Variants in ERBB4 observed in about 807,000 individuals in gnomAD.
ERBB4 encodes receptor tyrosine-protein kinase erbB-4.
Under a neutral mutation model 158.0 loss-of-function variants are expected in ERBB4, and 42 were observed. The observed-to-expected ratio is 0.27, with a 90% CI of 0.21 to 0.34. The LOEUF is 0.34. ERBB4 is among the 10% of genes least tolerant of loss of function. The pLI is 1.00. For synonymous variants in ERBB4, 583 were observed against 558.7 expected (o/e 1.04, Z -0.61); for missense variants, 1,333 against 1,624.1 (o/e 0.82, Z 3.08).
At chr2:211,850,156 T>C (rs2077684023) in intron 3 of ERBB4, among the ~76,000 whole-genome samples, 1 of 151,910 alleles carries the variant, frequency 6.6e-6, no homozygotes, top group Non-Finnish European at 1.5e-5. Context: ...ATTTAAGCTA[T>C]GGTAGTAAGC....
chr2:211,660,594 C>T (rs1457364918), intron 15 of ERBB4, among the ~76,000 whole-genome samples: 1 of 151,994 alleles, frequency 6.6e-6, no homozygotes, highest in East Asian at 1.9e-4. Flanking sequence ...TATGGCTGTC[C>T]TACATCTAGG....
rs531357407 is a variant in ERBB4, at chr2:212,187,161, C to G, written c.83-62258G>C. ...GACTCAGATGACAGTCAAAGATGAT[C>G]TAGACAAAAAATGCAGAATCACAAT... On this transcript the variant is annotated intron_variant, in intron 1 of 27. Coordinates refer to ENST00000342788, the MANE Select transcript of ERBB4 (RefSeq NM_005235.3). Among the ~76,000 whole-genome samples the G allele has an allele frequency of 2.6e-5, 4 of 152,026 alleles. 1 individual carries two copies. The South Asian group carries it at 8.3e-4, about 32-fold the overall frequency.
chr2:212,189,995 C>T (rs1482750666), intron 1 of ERBB4, among the ~76,000 whole-genome samples: 1 of 151,988 alleles, frequency 6.6e-6, no homozygotes, highest in African/African-American at 2.4e-5. Context: ...GAAAACACAC[C>T]TTTTTATAAT....
At chr2:212,288,713 C>T (rs1440628452) in intron 1 of ERBB4, among the ~76,000 whole-genome samples, 1 of 152,040 alleles carries the variant, frequency 6.6e-6, no homozygotes, top group African/African-American at 2.4e-5. Flanking sequence ...GACGAGAACC[C>T]CGTTTTTAGC....
chr2:211,510,499 T>G (rs1043193964), intron 20 of ERBB4, among the ~76,000 whole-genome samples: 1 of 152,110 alleles, frequency 6.6e-6, no homozygotes, highest in Non-Finnish European at 1.5e-5. Context: ...CATAGTGCCA[T>G]GTGCCATTGA....
intron 1 of ERBB4, among the ~76,000 whole-genome samples, chr2:212,271,331 T>C (rs2085336481): frequency 6.6e-6 from 1 of 151,788 alleles, no homozygotes; most frequent in Non-Finnish European, 1.5e-5. Context: ...TATATAAAAG[T>C]GACACTTAGG....
intron 3 of ERBB4, among the ~76,000 whole-genome samples, chr2:211,843,432 C>CACAT (rs1164062249): frequency 1.3e-5 from 2 of 151,926 alleles, no homozygotes; most frequent in Non-Finnish European, 2.9e-5. Context: ...CACACACACA[C>CACAT]ACACAGCATC....
rs2062540330 is a variant in ERBB4 at position 211,379,574 on chromosome 2, G to C, written c.*4041C>G. On this transcript the variant is annotated 3_prime_UTR_variant, in exon 28 of 28. Coordinates refer to ENST00000342788, the MANE Select transcript of ERBB4 (RefSeq NM_005235.3). ...ATTTTTATATCCTGCATTTAACTTT[G>C]TTACATTATACTTGTGGTTAGTTTT... 4.3e-6 allele frequency: 1 copy of C among 231,000 alleles called. No homozygotes were observed. Among genetic ancestry groups the C allele is most frequent in the Non-Finnish European group, 8.6e-6 (1 of 116,718 alleles). The allele number at this position is 231,000 out of a possible 1,614,324, so 14.3% of individuals were successfully genotyped here.
At chr2:211,460,569 G>A (rs781442033) in intron 20 of ERBB4, among the ~76,000 whole-genome samples, 16 of 152,098 alleles carry the variant, frequency 1.1e-4, no homozygotes, top group Non-Finnish European at 2.2e-4. Context: ...AACATAATTT[G>A]CCAGTAGAAA....
chr2:211,718,227 T>C (rs958734748), intron 7 of ERBB4, among the ~76,000 whole-genome samples: 1 of 152,118 alleles, frequency 6.6e-6, no homozygotes, highest in Non-Finnish European at 1.5e-5. Context: ...ATATAATTTT[T>C]ATAACCCACA....
At chr2:211,871,216 T>C (rs1356956974) in intron 3 of ERBB4, among the ~76,000 whole-genome samples, 1 of 152,176 alleles carries the variant, frequency 6.6e-6, no homozygotes, top group African/African-American at 2.4e-5. Context: ...TTTTTTAAGC[T>C]GCCAAAAGAT....
At chr2:211,950,290 A>C (rs190050926) in intron 2 of ERBB4, among the ~76,000 whole-genome samples, 3 of 152,282 alleles carry the variant, frequency 2.0e-5, no homozygotes, top group Admixed American at 6.5e-5. Flanking sequence ...GAAACTGTAC[A>C]GATCCTGGAC....
At chr2:211,913,615 A>ATGTG (rs572744537) in intron 3 of ERBB4, among the ~76,000 whole-genome samples, 143 of 102,756 alleles carry the variant, frequency 1.4e-3, no homozygotes, top group Admixed American at 8.1e-3. Context: ...AAATATATAT[A>ATGTG]TATATGTGTG....
intron 19 of ERBB4, among the ~76,000 whole-genome samples, chr2:211,579,517 T>C (rs1425856068): frequency 6.6e-6 from 1 of 152,134 alleles, no homozygotes; most frequent in East Asian, 1.9e-4. Flanking sequence ...ACCGCAGCAC[T>C]ACTCACAATA....
intron 20 of ERBB4, among the ~76,000 whole-genome samples, chr2:211,489,051 C>T (rs2065275169): frequency 6.6e-6 from 1 of 151,994 alleles, no homozygotes; most frequent in Admixed American, 6.6e-5. Context: ...TAATCTTTTG[C>T]ATTTTCCAGG....
intron 1 of ERBB4, among the ~76,000 whole-genome samples, chr2:212,222,563 C>T (rs1350548862): frequency 2.0e-5 from 3 of 151,320 alleles, no homozygotes; most frequent in African/African-American, 7.3e-5. Flanking sequence ...AACACAAACA[C>T]TCTTCTTAAT....
Position 211,382,801 on chromosome 2 carries a change from T to A in ERBB4, c.*814A>T, listed in dbSNP as rs2062595554. On this transcript the variant is annotated 3_prime_UTR_variant, in exon 28 of 28. Transcript: ENST00000342788. ...ATGAAAAATATTAGCCTCCCTTTCT[T>A]ATTTTAAAGATTGTATACTTAAAGT... is the stretch of plus-strand genomic sequence containing the variant. 3 of 232,742 alleles carry A rather than the reference T, an allele frequency of 1.3e-5. No individual in the cohort carries two copies. The highest frequency in any genetic ancestry group is 2.5e-5 in the Non-Finnish European group (3 of 117,740). The allele number at this position is 232,742 out of a possible 1,614,324, so 14.4% of individuals were successfully genotyped here. A position where few individuals can be genotyped will look rare whatever the true frequency, so the allele number is the denominator to read the frequency against.
At chr2:212,521,205 T>C (rs1464477898) in intron 1 of ERBB4, among the ~76,000 whole-genome samples, 2 of 151,798 alleles carry the variant, frequency 1.3e-5, no homozygotes, top group African/African-American at 2.4e-5. Flanking sequence ...TAAAAAACAA[T>C]AAGGATGAAA....
intron 2 of ERBB4, among the ~76,000 whole-genome samples, chr2:211,949,401 C>G (rs1462835836): frequency 1.3e-5 from 2 of 152,122 alleles, no homozygotes; most frequent in South Asian, 2.1e-4. Context: ...GTGACCTGAG[C>G]AACTGAAGTG....
Sources: gnomAD v4.1 joint callset for allele counts (sites outside exome capture counted in the v4.1 genomes callset) on GRCh38, gnomAD v4.1.1 for gene constraint, MANE v1.5 for transcripts, NCBI Gene and HGNC (gene_info 2026-07-23, HGNC 2026-07-21) for gene names.